GSR: variants seen among roughly 807,000 people sequenced by gnomAD.
GSR encodes the protein glutathione-disulfide reductase.
A neutral mutation model predicts 56.5 loss-of-function variants in GSR; 48 were observed. The observed-to-expected ratio is 0.85, with a 90% CI of 0.67 to 1.08. The LOEUF (loss-of-function observed/expected upper bound fraction) is 1.08. Among genes scored for constraint, GSR ranks in the 50% least tolerant of loss-of-function variants. GSR has a pLI of 0.00. For missense variants in GSR, 694 were observed against 703.3 expected (o/e 0.99, Z 0.15); for synonymous variants, 264 against 270.8 (o/e 0.97, Z 0.25).
intron 9 of GSR, 98 bp from the exon 10 acceptor site, chr8:30,684,297 T>C (rs1298432521): frequency 1.1e-5 from 9 of 790,512 alleles, no homozygotes; most frequent in Non-Finnish European, 1.6e-5. Flanking sequence ...ACATGGGAAC[T>C]GCAGCCAGAA....
At chr8:30,709,059 C>A (rs1191837315) in intron 3 of GSR, among the ~76,000 whole-genome samples, 1 of 150,644 alleles carries the variant, frequency 6.6e-6, no homozygotes, top group Non-Finnish European at 1.5e-5. Flanking sequence ...TCTTATTCTG[C>A]CTTTAAAAGG....
chr8:30,711,222 T>C (rs1187384117), intron 2 of GSR, among the ~76,000 whole-genome samples: 3 of 152,190 alleles, frequency 2.0e-5, no homozygotes, highest in East Asian at 1.9e-4. Context: ...CAAGTTAAAA[T>C]GGAATGTCAT....
chr8:30,691,232 T>A (rs1287687644), intron 8 of GSR, among the ~76,000 whole-genome samples: 1 of 152,016 alleles, frequency 6.6e-6, no homozygotes, highest in East Asian at 1.9e-4. Flanking sequence ...TTGGGCTTGT[T>A]GGCAGGTGCC....
rs1563535549 is a variant in GSR at position 30,700,722 on chromosome 8, C to CAAAAAAAAAAAAAAAA, written c.641-588_641-587insTTTTTTTTTTTTTTTT. On this transcript the variant is annotated intron_variant, in intron 5 of 12. Transcript: ENST00000221130. ...CTGGGAACAGAGCAAGATTTTGTCT[C>CAAAAAAAAAAAAAAAA]CAAAAAAAAAAAAAAAAAAAAAAAA... 1.9e-3 allele frequency among the ~76,000 whole-genome samples: 16 copies of CAAAAAAAAAAAAAAAA among 8,436 alleles called. 2 individuals carry two copies. Among genetic ancestry groups the CAAAAAAAAAAAAAAAA allele is most frequent in the African/African-American group, 2.8e-3 (16 of 5,812 alleles). 5.5% of individuals were successfully genotyped at this position (8,436 alleles called of 152,430 possible).
At position 30,713,688 on chromosome 8, in the gene GSR, A is replaced by G. The variant is rs569186945; in HGVS notation, c.307-1600T>C. Among the ~76,000 whole-genome samples the G allele has an allele frequency of 2.6e-5, 4 of 152,298 alleles. No individual in the cohort carries two copies. The South Asian group carries it at 8.3e-4, about 32-fold the overall frequency. ...TCTACATTTTTTAAAAGTAAAGATAAAAGATAATTTAAATAATGAAATATT... is the reference window on the plus strand; with the variant it reads ...TCTACATTTTTTAAAAGTAAAGATAGAAGATAATTTAAATAATGAAATATT... On this transcript the variant is annotated intron_variant, in intron 1 of 12. Coordinates refer to ENST00000221130, the MANE Select transcript of GSR (RefSeq NM_000637.5).
At chr8:30,707,472 G>A (rs1803954327) in intron 4 of GSR, among the ~76,000 whole-genome samples, 1 of 152,134 alleles carries the variant, frequency 6.6e-6, no homozygotes, top group African/African-American at 2.4e-5. Flanking sequence ...GACCAGCCTA[G>A]GCAACACAGT....
chr8:30,711,978 A>T (rs1051131381), intron 2 of GSR, 84 bp downstream of exon 2: 35 of 804,162 alleles, frequency 4.4e-5, no homozygotes, highest in Non-Finnish European at 6.8e-5. Context: ...ATTTTAACTG[A>T]TCTATTTGGA....
At chr8:30,679,740 T>C (rs2128736000) in intron 12 of GSR, 71 bp from the exon 13 acceptor site, 1 of 1,432,842 alleles carries the variant, frequency 7.0e-7, no homozygotes, top group Admixed American at 1.8e-5. Flanking sequence ...AGTTTCACTC[T>C]TGTTGCCCAG....
intron 10 of GSR, among the ~76,000 whole-genome samples, chr8:30,683,733 G>T (rs1053096489): frequency 7.2e-6 from 1 of 139,786 alleles, no homozygotes; most frequent in Non-Finnish European, 1.5e-5. Context: ...CTGCACTCCA[G>T]CCTGGGTAAC....
chr8:30,685,701 G>A (rs1204907010), intron 9 of GSR, among the ~76,000 whole-genome samples: 4 of 152,076 alleles, frequency 2.6e-5, no homozygotes, highest in African/African-American at 9.7e-5. Context: ...CTGGCCAGGC[G>A]CAGTGGTTCA....
At chr8:30,699,467 G>C (rs1421388204) in intron 6 of GSR, among the ~76,000 whole-genome samples, 1 of 151,816 alleles carries the variant, frequency 6.6e-6, no homozygotes, top group African/African-American at 2.4e-5. Flanking sequence ...AATTAGCGGG[G>C]CGTGGTGGCA....
chr8:30,708,287 TC>T, intron 3 of GSR, 146 bp from the exon 4 acceptor site: 2 of 719,020 alleles, frequency 2.8e-6, no homozygotes, highest in Non-Finnish European at 5.1e-6. Flanking sequence ...AAGACAGTCA[TC>T]CCTTCCCTGT....
At chr8:30,695,352 C>T (rs1009413782) in intron 7 of GSR, among the ~76,000 whole-genome samples, 4 of 152,070 alleles carry the variant, frequency 2.6e-5, no homozygotes, top group Admixed American at 6.6e-5. Flanking sequence ...TCTTATGCCT[C>T]AGCCTCCCGT....
chr8:30,709,929 C>G, intron 2 of GSR, 27 bp from the exon 3 acceptor site: 1 of 1,100,342 alleles, frequency 9.1e-7, no homozygotes, highest in South Asian at 1.3e-5. Context: ...AAAAAAGGAT[C>G]CAAAACAGCA....
intron 9 of GSR, among the ~76,000 whole-genome samples, chr8:30,686,348 C>T (rs1803160327): frequency 6.6e-6 from 1 of 151,836 alleles, no homozygotes; most frequent in Non-Finnish European, 1.5e-5. Flanking sequence ...ATCTTAATGT[C>T]AAATGAGACT....
rs1401889053 is a variant in GSR at position 30,688,635 on chromosome 8, G to A, written c.1041+526C>T. On this transcript the variant is annotated intron_variant, in intron 9 of 12. Transcript: ENST00000221130. ...AAAAAAGAAAAAGGCCAGACGTGGCGGCCTTTTTCTGGGACATGCTGGGAC... is the reference window on the plus strand; with the variant it reads ...AAAAAAGAAAAAGGCCAGACGTGGCAGCCTTTTTCTGGGACATGCTGGGAC... Among the ~76,000 whole-genome samples the A allele has an allele frequency of 5.3e-5, 8 of 150,046 alleles. No homozygotes were observed. In the Middle Eastern group the frequency reaches 0.01, roughly 194 times the overall value.
chr8:30,717,009 G>A (rs536736421), intron 1 of GSR, among the ~76,000 whole-genome samples: 44 of 152,098 alleles, frequency 2.9e-4, no homozygotes, highest in African/African-American at 1.0e-3. Context: ...AGGCCGAGGC[G>A]GGCAGATCAC....
chr8:30,693,917 A>G (rs1803469730), intron 7 of GSR, among the ~76,000 whole-genome samples: 1 of 152,216 alleles, frequency 6.6e-6, no homozygotes, highest in South Asian at 2.1e-4. Flanking sequence ...AGGAAGCCCA[A>G]GTAGATGTGG....
chr8:30,709,892 T>C lies in GSR; in HGVS notation c.344A>G (p.Asn115Ser). The C allele has an allele frequency of 6.5e-7, 1 of 1,546,788 alleles. No homozygotes were observed. The highest frequency in any genetic ancestry group is 8.9e-7 in the Non-Finnish European group (1 of 1,126,790). ...CATGAATTCAGAGTGGACAGCTGTG[T>C]TCCACATTACCTGTAAAAAAAAAAA... ...VGCVPKKVMWNTAVHSEFMHD... is the reference protein window; with the variant it reads ...VGCVPKKVMWSTAVHSEFMHD... The change falls in exon 3 of 13, where the codon AAC (asparagine) becomes AGC (serine). Residue 115 changes from asparagine to serine, a missense_variant. Coordinates refer to ENST00000221130, the MANE Select transcript of GSR (RefSeq NM_000637.5).
Sources: allele counts gnomAD v4.1 joint callset (sites outside exome capture counted in the v4.1 genomes callset), GRCh38; gene constraint gnomAD v4.1.1; transcripts MANE v1.5; gene names NCBI Gene and HGNC (gene_info 2026-07-23, HGNC 2026-07-21).